TSPAN18: variants seen among roughly 807,000 people sequenced by gnomAD.
TSPAN18 encodes the protein tetraspanin 18, also known as tetraspanin-18.
TSPAN18 carries 14 observed loss-of-function variants against 27.3 expected under a neutral mutation model. The observed-to-expected ratio is 0.51, with a 90% CI of 0.34 to 0.80. The LOEUF (loss-of-function observed/expected upper bound fraction) is 0.80. TSPAN18 is among the 30% of genes least tolerant of loss of function. The pLI, the probability that TSPAN18 is intolerant of heterozygous loss-of-function variation, is 0.01. For synonymous variants in TSPAN18, 143 were observed against 136.5 expected (o/e 1.05, Z -0.33); for missense variants, 268 against 323.9 (o/e 0.83, Z 1.32).
intron 2 of TSPAN18, among the ~76,000 whole-genome samples, chr11:44,796,076 C>T (rs1856342881): frequency 1.3e-5 from 2 of 152,170 alleles, no homozygotes; most frequent in African/African-American, 4.8e-5. Context: ...CTGCATCTCA[C>T]TCATTTGCCC....
chr11:44,741,999 T>C (rs1590408086), intron 1 of TSPAN18, among the ~76,000 whole-genome samples: 1 of 151,956 alleles, frequency 6.6e-6, no homozygotes, highest in African/African-American at 2.4e-5. Context: ...CCCATATACG[T>C]TGTAGCTCAT....
At chr11:44,743,199 A>C (rs1043866764) in intron 1 of TSPAN18, among the ~76,000 whole-genome samples, 7 of 152,212 alleles carry the variant, frequency 4.6e-5, no homozygotes, top group Non-Finnish European at 7.3e-5. Flanking sequence ...GAATGCACTC[A>C]GATGGGTTCT....
chr11:44,743,396 A>G (rs4755283), intron 1 of TSPAN18, among the ~76,000 whole-genome samples: 37,390 of 152,074 alleles, frequency 0.25, 5,974 homozygotes, highest in East Asian at 0.71. Context: ...GCCGAGGCCT[A>G]GGCTTAGGAC....
At chr11:44,835,193 A>T (rs1032618234) in intron 2 of TSPAN18, among the ~76,000 whole-genome samples, 2 of 152,158 alleles carry the variant, frequency 1.3e-5, no homozygotes, top group Non-Finnish European at 2.9e-5. Context: ...GGCCGTGGGG[A>T]GGGTCCCCGA....
chr11:44,871,102 C>T (rs762067653), intron 3 of TSPAN18, among the ~76,000 whole-genome samples: 24 of 152,178 alleles, frequency 1.6e-4, no homozygotes, highest in Non-Finnish European at 3.4e-4. Flanking sequence ...AAATATTTCA[C>T]AACTGCTTGA....
At position 44,805,035 on chromosome 11, in the gene TSPAN18, G is replaced by A. The variant is rs568963141; in HGVS notation, c.-153+40523G>A. On this transcript the variant is annotated intron_variant, in intron 2 of 9. Coordinates refer to ENST00000520358, the MANE Select transcript of TSPAN18 (RefSeq NM_130783.5). ...GGCTGTTAGCAGGGCAGCTGTGGCC[G>A]CCCTTGGTTGGGGGAATCAGGAGTG... Among the ~76,000 whole-genome samples, 38 of 152,320 alleles carry A rather than the reference G, an allele frequency of 2.5e-4. No homozygotes were observed. In the South Asian group the frequency reaches 5.2e-3, roughly 21 times the overall value.
chr11:44,861,607 A>T (rs76548280), intron 3 of TSPAN18, among the ~76,000 whole-genome samples: 4,645 of 151,734 alleles, frequency 0.031, 109 homozygotes, highest in East Asian at 0.11. Flanking sequence ...AAAAGGAGAA[A>T]GGAATGCTGG....
intron 2 of TSPAN18, among the ~76,000 whole-genome samples, chr11:44,841,475 C>G (rs1857372216): frequency 6.6e-6 from 1 of 151,568 alleles, no homozygotes; most frequent in African/African-American, 2.4e-5. Flanking sequence ...GAGATTGCAC[C>G]ACTGCACTCC....
chr11:44,838,389 A>T (rs968529534), intron 2 of TSPAN18, among the ~76,000 whole-genome samples: 67 of 152,314 alleles, frequency 4.4e-4, no homozygotes, highest in African/African-American at 1.6e-3. Flanking sequence ...TGATTCAATT[A>T]TCTCCCACCC....
At chr11:44,760,839 A>G (rs1037996830) in intron 1 of TSPAN18, among the ~76,000 whole-genome samples, 6 of 152,174 alleles carry the variant, frequency 3.9e-5, no homozygotes, top group African/African-American at 9.7e-5. Context: ...ACCAGGATGC[A>G]TTGTGCAAAA....
At chr11:44,798,783 G>A (rs1856409069) in intron 2 of TSPAN18, among the ~76,000 whole-genome samples, 1 of 152,232 alleles carries the variant, frequency 6.6e-6, no homozygotes, top group Non-Finnish European at 1.5e-5. Context: ...AAGAAATAGA[G>A]AGGGAGGGTT....
intron 2 of TSPAN18, among the ~76,000 whole-genome samples, chr11:44,767,713 T>G (rs2134904935): frequency 6.6e-6 from 1 of 152,360 alleles, no homozygotes; most frequent in Middle Eastern, 3.4e-3. Flanking sequence ...CTCCTGTGCT[T>G]TATTCTAAGA....
intron 1 of TSPAN18, among the ~76,000 whole-genome samples, chr11:44,753,532 G>A (rs1855261749): frequency 6.6e-6 from 1 of 152,186 alleles, no homozygotes; most frequent in Non-Finnish European, 1.5e-5. Flanking sequence ...TCCCAGGGTA[G>A]CTGGACTCGC....
At chr11:44,770,539 C>T (rs1855668176) in intron 2 of TSPAN18, among the ~76,000 whole-genome samples, 1 of 152,054 alleles carries the variant, frequency 6.6e-6, no homozygotes, top group Non-Finnish European at 1.5e-5. Flanking sequence ...AATTGGAGGC[C>T]CAGCCTGCAC....
At chr11:44,919,589 G>A (rs76044482) in intron 7 of TSPAN18, 6,465 of 610,182 alleles carry the variant, frequency 0.011, 152 homozygotes, top group African/African-American at 0.054. Context: ...ATGGCTAAGC[G>A]CCTGGTGAGG....
At chr11:44,864,676 C>T (rs1362969383) in intron 3 of TSPAN18, among the ~76,000 whole-genome samples, 1 of 152,350 alleles carries the variant, frequency 6.6e-6, no homozygotes, top group Non-Finnish European at 1.5e-5. Flanking sequence ...ATTGCCAAGT[C>T]CCAGTTCAGC....
At chr11:44,808,743 C>T (rs749491915) in intron 2 of TSPAN18, among the ~76,000 whole-genome samples, 26 of 152,176 alleles carry the variant, frequency 1.7e-4, no homozygotes, top group Non-Finnish European at 3.2e-4. Context: ...CACTTCCCAA[C>T]GAATCTGGGT....
intron 2 of TSPAN18, among the ~76,000 whole-genome samples, chr11:44,818,801 G>A (rs998894077): frequency 6.6e-6 from 1 of 152,194 alleles, no homozygotes; most frequent in African/African-American, 2.4e-5. Context: ...TGTCCTAGAT[G>A]AGCCTGTCAT....
chr11:44,786,896 T>G (rs879826775), intron 2 of TSPAN18, among the ~76,000 whole-genome samples: 7 of 152,120 alleles, frequency 4.6e-5, no homozygotes, highest in Admixed American at 6.6e-5. Flanking sequence ...CCTCCCAAAG[T>G]GCTAGGATTA....
Sources: gnomAD v4.1 joint callset for allele counts (sites outside exome capture counted in the v4.1 genomes callset) on GRCh38, gnomAD v4.1.1 for gene constraint, MANE v1.5 for transcripts, NCBI Gene and HGNC (gene_info 2026-07-23, HGNC 2026-07-21) for gene names.